The following STK31 variants were observed in gnomAD, a reference collection of about 807,000 sequenced individuals.
The protein encoded by STK31 is serine/threonine-protein kinase 31.
In STK31, 89 loss-of-function variants were observed where a neutral mutation model predicts 129.7. That is an observed-to-expected ratio of 0.69 (90% confidence interval 0.58 to 0.82). STK31 has a LOEUF of 0.82. Among genes scored for constraint, STK31 ranks in the 40% least tolerant of loss-of-function variants. The pLI, the probability that STK31 is intolerant of heterozygous loss-of-function variation, is 0.00. For missense variants in STK31, 1,187 were observed against 1,176.4 expected (o/e 1.01, Z -0.13); for synonymous variants, 448 against 395.3 (o/e 1.13, Z -1.58).
chr7:23,717,633 G>A (rs764978791), intron 4 of STK31, 54 bp downstream of exon 4: 28 of 1,394,176 alleles, frequency 2.0e-5, no homozygotes, highest in Non-Finnish European at 2.3e-5. Context: ...GCTTTCCTGT[G>A]TCTTAGATAT....
intron 6 of STK31, 28 bp downstream of exon 6, chr7:23,729,277 C>G (rs758502767): frequency 6.5e-7 from 1 of 1,547,686 alleles, no homozygotes; most frequent in Non-Finnish European, 8.7e-7. Context: ...AATATTTTTG[C>G]TAATGAAAGT....
At chr7:23,792,826 A>T (rs953661052) in intron 22 of STK31, among the ~76,000 whole-genome samples, 9 of 152,188 alleles carry the variant, frequency 5.9e-5, no homozygotes, top group Non-Finnish European at 1.3e-4. Context: ...GTTGAAGACT[A>T]GCCTAGGCAA....
intron 6 of STK31, among the ~76,000 whole-genome samples, chr7:23,730,509 G>A (rs1367055500): frequency 6.6e-6 from 1 of 151,990 alleles, no homozygotes; most frequent in Non-Finnish European, 1.5e-5. Flanking sequence ...CCAAGGTTGG[G>A]GAGGCTTGTT....
intron 9 of STK31, 64 bp from the exon 10 acceptor site, chr7:23,754,251 A>G: frequency 1.3e-6 from 2 of 1,547,968 alleles, no homozygotes; most frequent in Non-Finnish European, 1.8e-6. Context: ...ATTAAAGTGT[A>G]ACTTTTTCTC....
chr7:23,715,604 C>T (rs1414626708), intron 3 of STK31, among the ~76,000 whole-genome samples: 2 of 147,596 alleles, frequency 1.4e-5, no homozygotes, highest in Non-Finnish European at 3.0e-5. Flanking sequence ...ACAAAGAGCT[C>T]CTATTTGTTT....
At chr7:23,756,326 T>G (rs1230646194) in intron 10 of STK31, among the ~76,000 whole-genome samples, 1 of 152,206 alleles carries the variant, frequency 6.6e-6, no homozygotes, top group Non-Finnish European at 1.5e-5. Context: ...GGAATGCTTG[T>G]GATTTTTGCA....
chr7:23,828,632 A>T (rs530021827), intron 23 of STK31, among the ~76,000 whole-genome samples: 2 of 152,330 alleles, frequency 1.3e-5, no homozygotes, highest in African/African-American at 4.8e-5. Flanking sequence ...CCCCAGTGAG[A>T]TGAACCCGTT....
At position 23,788,648 on chromosome 7, in the gene STK31, A is replaced by G. The variant is rs111822307; in HGVS notation, c.2637+519A>G. On this transcript the variant is annotated intron_variant, in intron 21 of 23. Coordinates refer to ENST00000355870, the MANE Select transcript of STK31 (RefSeq NM_031414.5). ...TTTGTAGAGATAGCAAAATCACACAATTTAAGAGCATGTTGTGATTTTTTT... is the reference window on the plus strand; with the variant it reads ...TTTGTAGAGATAGCAAAATCACACAGTTTAAGAGCATGTTGTGATTTTTTT... Among the ~76,000 whole-genome samples, 361 of 152,278 alleles carry G rather than the reference A, an allele frequency of 2.4e-3. 1 individual carries two copies. The highest frequency in any genetic ancestry group is 4.2e-3 in the Non-Finnish European group (285 of 68,008).
At chr7:23,738,787 G>T (rs1455352780) in intron 8 of STK31, among the ~76,000 whole-genome samples, 1 of 151,948 alleles carries the variant, frequency 6.6e-6, no homozygotes, top group African/African-American at 2.4e-5. Flanking sequence ...AACTCCTCAG[G>T]TGATCCACCC....
rs112352154 is a variant in STK31, at chr7:23,736,591, G to C, written c.843-313G>C. Reference sequence around the variant, plus strand: ...CACAGGACGGGGGGATCACGGGGGGGGGATCACAGGAGGGACTGGAAAAAA... The same window carrying C: ...CACAGGACGGGGGGATCACGGGGGGCGGATCACAGGAGGGACTGGAAAAAA... On this transcript the variant is annotated intron_variant, in intron 7 of 23. Transcript: ENST00000355870. Among the ~76,000 whole-genome samples the C allele has an allele frequency of 6.8e-3, 999 of 146,342 alleles. 15 individuals carry two copies. Among genetic ancestry groups the C allele is most frequent in the South Asian group, 0.021 (93 of 4,380 alleles).
At chr7:23,763,488 C>G (rs978691242) in intron 11 of STK31, among the ~76,000 whole-genome samples, 1 of 152,192 alleles carries the variant, frequency 6.6e-6, no homozygotes, top group African/African-American at 2.4e-5. Flanking sequence ...TTTCTCTCTA[C>G]TTATTCAGAT....
intron 10 of STK31, among the ~76,000 whole-genome samples, chr7:23,757,101 C>G (rs1789136273): frequency 6.6e-6 from 1 of 152,092 alleles, no homozygotes; most frequent in Non-Finnish European, 1.5e-5. Flanking sequence ...TAGAATTCGG[C>G]TGTGAATCTG....
chr7:23,772,156 C>T lies in STK31; in HGVS notation c.1843C>T (p.Gln615Ter). 1 of 1,564,224 alleles carries T rather than the reference C, an allele frequency of 6.4e-7. No individual in the cohort carries two copies. The highest frequency in any genetic ancestry group is 8.6e-7 in the Non-Finnish European group (1 of 1,157,242). The change falls in exon 15 of 24, where the codon CAG becomes TAG. Residue 615 changes from glutamine to a stop codon, truncating the protein, a stop_gained. Coordinates refer to ENST00000355870, the MANE Select transcript of STK31 (RefSeq NM_031414.5). LOFTEE classifies it high-confidence loss of function. Reference sequence around the variant, plus strand: ...ACTTTTGTTTACTTAGTTTAAAAAGCAGCTTATTGAATATTTAAATAAGAG... The same window carrying T: ...ACTTTTGTTTACTTAGTTTAAAAAGTAGCTTATTGAATATTTAAATAAGAG... ...KYKDSIEFKK[Q>*]LIEYLNKSPS...
Position 23,769,747 on chromosome 7 carries a change from A to G in STK31, c.1704A>G (p.Ile568Met), listed in dbSNP as rs910172083. ...CAAGTGTCTGCAAAGAGCTGGAGATAGCTCTGGTTGTGAGTATCGATATTC... is the reference window on the plus strand; with the variant it reads ...CAAGTGTCTGCAAAGAGCTGGAGATGGCTCTGGTTGTGAGTATCGATATTC... The part of the protein sequence containing the change: ...TESSVCKELE[I>M]ALVDQGDADK... The change falls in exon 13 of 24, where the codon ATA becomes ATG. Residue 568 changes from isoleucine to methionine, a missense_variant. This residue lies in a region of STK31 where 975 missense variants were observed against 934.9 expected (regional missense o/e 1.04). Transcript: ENST00000355870. 14 of 1,602,448 alleles carry G rather than the reference A, an allele frequency of 8.7e-6. No homozygotes were observed. Among genetic ancestry groups the G allele is most frequent in the Non-Finnish European group, 1.1e-5 (13 of 1,171,806 alleles).
chr7:23,736,992 G>C lies in STK31; in HGVS notation c.931G>C (p.Glu311Gln), dbSNP rs865804236. 4 of 1,613,744 alleles carry C rather than the reference G, an allele frequency of 2.5e-6. No homozygotes were observed. The highest frequency in any genetic ancestry group is 3.4e-6 in the Non-Finnish European group (4 of 1,179,926). ...KQDQKLIEENEKLKTEKDALL... is the reference protein window; with the variant it reads ...KQDQKLIEENQKLKTEKDALL... ...GGACCAGAAACTGATTGAAGAAAATGAAAAACTTAAAACAGAGAAGGACGC... is the reference window on the plus strand; with the variant it reads ...GGACCAGAAACTGATTGAAGAAAATCAAAAACTTAAAACAGAGAAGGACGC... Residue 311 changes from glutamate (E) to glutamine (Q), a missense_variant, in exon 8 of 24, where the codon GAA becomes CAA. Physicochemically the swap from Glu to Gln is conservative, Grantham distance 29. This residue lies in a region of STK31 where 975 missense variants were observed against 934.9 expected (regional missense o/e 1.04). Coordinates refer to ENST00000355870, the MANE Select transcript of STK31 (RefSeq NM_031414.5).
chr7:23,769,716 C>T lies in STK31; in HGVS notation c.1673C>T (p.Thr558Ile). 1 of 1,610,144 alleles carries T rather than the reference C, an allele frequency of 6.2e-7. No individual in the cohort carries two copies. The highest frequency in any genetic ancestry group is 8.5e-7 in the Non-Finnish European group (1 of 1,177,830). ...MDNIDEILEK[T>I]ESSVCKELEI... ...AATATTGATGAAATCCTAGAGAAGA[C>T]TGAGTCAAGTGTCTGCAAAGAGCTG... The change falls in exon 13 of 24, where the codon ACT becomes ATT. Residue 558 changes from threonine to isoleucine, a missense_variant. Physicochemically the swap from Thr to Ile is moderately conservative, Grantham distance 89. Transcript: ENST00000355870.
chr7:23,825,858 T>C (rs202216516), intron 23 of STK31, among the ~76,000 whole-genome samples: 6 of 152,150 alleles, frequency 3.9e-5, no homozygotes, highest in Non-Finnish European at 5.9e-5. Context: ...CGTTATGTGC[T>C]CAGTAGTCAT....
chr7:23,791,316 G>T (rs1435398829), intron 22 of STK31: 1 of 985,088 alleles, frequency 1.0e-6, no homozygotes, highest in Admixed American at 6.2e-5. Context: ...CATAGTTTAA[G>T]AATTAAGAAG....
rs1242249145 is a variant in STK31 at position 23,788,070 on chromosome 7, G to A, written c.2578G>A (p.Val860Ile). ...TCATGGATCACTTCATCAGAACAATGTATTTGCTTTAAACCGTGAACAAGG... is the reference window on the plus strand; with the variant it reads ...TCATGGATCACTTCATCAGAACAATATATTTGCTTTAAACCGTGAACAAGG... The part of the protein sequence containing the change: ...IIHGSLHQNN[V>I]FALNREQGIV... The change falls in exon 21 of 24, where the codon GTA (valine) becomes ATA (isoleucine). Residue 860 changes from valine to isoleucine, a missense_variant. Around this residue, in one of 5 missense-constraint regions of STK31, gnomAD observed 975 missense variants for 934.9 expected, o/e 1.04. Coordinates refer to ENST00000355870, the MANE Select transcript of STK31 (RefSeq NM_031414.5). 2 of 1,613,006 alleles carry A rather than the reference G, an allele frequency of 1.2e-6. No individual in the cohort carries two copies. Among genetic ancestry groups the A allele is most frequent in the East Asian group, 2.2e-5 (1 of 44,838 alleles).
Sources: gnomAD v4.1 joint callset for allele counts (sites outside exome capture counted in the v4.1 genomes callset) on GRCh38, gnomAD v4.1.1 for gene constraint, gnomAD v4.1.1 regional missense constraint, MANE v1.5 for transcripts, NCBI Gene and HGNC (gene_info 2026-07-23, HGNC 2026-07-21) for gene names.